The following ICE1 variants were observed in gnomAD, a reference collection of about 807,000 sequenced individuals.
ICE1 encodes the protein interactor of little elongation complex ELL subunit 1, also known as little elongation complex subunit 1.
Under a neutral mutation model 192.7 loss-of-function variants are expected in ICE1, and 64 were observed. The ratio of observed to expected loss-of-function variants is 0.33; its 90% CI spans 0.27 to 0.41. The LOEUF is 0.41. Among genes scored for constraint, ICE1 ranks in the 10% least tolerant of loss-of-function variants. The pLI, the probability that ICE1 is intolerant of heterozygous loss-of-function variation, is 1.00. For synonymous variants in ICE1, 1,010 were observed against 984.5 expected, an observed-to-expected ratio of 1.03 and a Z score of -0.49; for missense variants, 2,708 against 2,696.0, an observed-to-expected ratio of 1.00 and a Z score of -0.10.
chr5:5,464,729 A>T lies in ICE1; in HGVS notation c.5395A>T (p.Ile1799Phe), dbSNP rs1469799184. 2 of 1,613,912 alleles carry T rather than the reference A, an allele frequency of 1.2e-6. No homozygotes were observed. Among genetic ancestry groups the T allele is most frequent in the Non-Finnish European group, 1.7e-6 (2 of 1,179,858 alleles). The part of the protein sequence containing the change: ...PASAMIGFKT[I>F]TSAATAFVKT... ...CAGTGCTATGATAGGATTCAAAACG[A>T]TCACTTCAGCAGCAACTGCTTTTGT... The change falls in exon 13 of 19, where the codon ATC becomes TTC. Residue 1799 changes from isoleucine (I) to phenylalanine (F), a missense_variant. By Grantham distance (21) the Ile-to-Phe change is conservative. Transcript: ENST00000296564. This position sits in a 1 kb window ranked among gnomAD's most constrained non-coding sequence, Gnocchi z 4.0.
At chr5:5,431,364 T>C (rs181527060) in intron 1 of ICE1, among the ~76,000 whole-genome samples, 33 of 152,356 alleles carry the variant, frequency 2.2e-4, no homozygotes, top group African/African-American at 7.5e-4. Flanking sequence ...TCTTTCATTT[T>C]CTTCTCCCTT....
In ICE1 at chr5:5,462,959, G is replaced by T; in HGVS notation, c.3625G>T (p.Glu1209Ter). 6.2e-7 allele frequency: 1 copy of T among 1,612,754 alleles called. No homozygotes were observed. The highest frequency in any genetic ancestry group is 8.5e-7 in the Non-Finnish European group (1 of 1,179,328). The change falls in exon 13 of 19, where the codon GAA becomes TAA. Residue 1209 changes from glutamate to a stop codon, truncating the protein, a stop_gained. Transcript: ENST00000296564. LOFTEE classifies it high-confidence loss of function. ...KGTLSKEMNK[E>*]LKASEIGEKY... ...AACCCTAAGTAAAGAAATGAACAAA[G>T]AATTAAAGGCAAGTGAAATAGGAGA...
At chr5:5,427,241 A>T (rs1450311199) in intron 1 of ICE1, among the ~76,000 whole-genome samples, 1 of 152,212 alleles carries the variant, frequency 6.6e-6, no homozygotes, top group Non-Finnish European at 1.5e-5. Flanking sequence ...CATTGATTAC[A>T]GTAGTTCATT....
At position 5,463,848 on chromosome 5, in the gene ICE1, T is replaced by A. The variant is rs756408163; in HGVS notation, c.4514T>A (p.Phe1505Tyr). The A allele has an allele frequency of 1.9e-6, 3 of 1,613,906 alleles. No individual in the cohort carries two copies. In the Admixed American group the frequency reaches 5.0e-5, roughly 27 times the overall value. Residue 1505 changes from phenylalanine (F) to tyrosine (Y), a missense_variant, in exon 13 of 19, where the codon TTT (phenylalanine) becomes TAT (tyrosine). Transcript: ENST00000296564. The stretch of plus-strand genomic sequence containing the variant: ...TCAAGCAGTGGTCAGAGCACCAACT[T>A]TGATAAGAGTCGTTTGCGAAATAGA... ...DVSSSGQSTN[F>Y]DKSRLRNRPV...
intron 10 of ICE1, among the ~76,000 whole-genome samples, chr5:5,450,627 G>T (rs147188961): frequency 9.7e-4 from 148 of 152,250 alleles, no homozygotes; most frequent in African/African-American, 3.5e-3. Context: ...TGACACCTTC[G>T]TAGGAAATAT....
In ICE1 at chr5:5,460,469, G is replaced by A. The variant is rs572112761; in HGVS notation, c.1135G>A (p.Asp379Asn). 8.1e-6 allele frequency: 13 copies of A among 1,603,560 alleles called. No homozygotes were observed. The highest frequency in any genetic ancestry group is 1.3e-5 in the African/African-American group (1 of 74,470). ...TYFGEYTDSS[D>N]NDSVQLRNSA... ...CTTTGGAGAATACACAGATTCCAGC[G>A]ATAATGACTCAGTCCAGCTTAGAAA... is the stretch of plus-strand genomic sequence containing the variant. Residue 379 changes from aspartate to asparagine, a missense_variant, in exon 13 of 19, where the codon GAT (aspartate) becomes AAT (asparagine). Asp to Asn is a conservative substitution (Grantham distance 23, BLOSUM62 1). Coordinates refer to ENST00000296564, the MANE Select transcript of ICE1 (RefSeq NM_015325.3).
At chr5:5,458,927 C>T (rs906214976) in intron 12 of ICE1, among the ~76,000 whole-genome samples, 6 of 152,040 alleles carry the variant, frequency 3.9e-5, no homozygotes, top group African/African-American at 1.2e-4. Flanking sequence ...GACTGGAGCA[C>T]AGTGGCGCGA....
intron 1 of ICE1, among the ~76,000 whole-genome samples, chr5:5,425,503 G>C (rs969152185): frequency 2.6e-5 from 4 of 152,176 alleles, no homozygotes; most frequent in Non-Finnish European, 5.9e-5. Context: ...TCTAGGTCAG[G>C]ACACTATTGC....
chr5:5,440,028 C>A, intron 4 of ICE1, 115 bp downstream of exon 4: 1 of 570,602 alleles, frequency 1.8e-6, no homozygotes, highest in South Asian at 2.8e-5. Context: ...CATAGGATTA[C>A]TCATAATATA....
chr5:5,449,365 C>G (rs1738345218), intron 10 of ICE1, among the ~76,000 whole-genome samples: 1 of 151,808 alleles, frequency 6.6e-6, no homozygotes, highest in African/African-American at 2.4e-5. Context: ...AAAGTAAGCA[C>G]CAGAGTATTA....
chr5:5,472,461 A>C (rs1253054957), intron 15 of ICE1, among the ~76,000 whole-genome samples: 5 of 152,198 alleles, frequency 3.3e-5, no homozygotes, highest in African/African-American at 4.8e-5. Context: ...TAAAATAGGT[A>C]CTCAAAAAAG....
At chr5:5,438,171 A>C in intron 3 of ICE1, among the ~76,000 whole-genome samples, 1 of 152,206 alleles carries the variant, frequency 6.6e-6, no homozygotes, top group East Asian at 1.9e-4. Flanking sequence ...TGCAGAGCGA[A>C]GCGGGGAAAA....
Position 5,457,349 on chromosome 5 carries a change from A to G in ICE1, c.709A>G (p.Ile237Val). Residue 237 changes from isoleucine (I) to valine (V), a missense_variant, in exon 12 of 19, where the codon ATC (isoleucine) becomes GTC (valine). Physicochemically the swap from Ile to Val is conservative, Grantham distance 29. Coordinates refer to ENST00000296564, the MANE Select transcript of ICE1 (RefSeq NM_015325.3). The stretch of plus-strand genomic sequence containing the variant: ...CCACATAGAAAAACCTGCCAAAGCA[A>G]TCACCAGCTCCAGAGTGCCTGGGGA... Reference protein sequence around the residue: ...RCVPEKPAKAITSSRVPGEDG... With the variant: ...RCVPEKPAKAVTSSRVPGEDG... 4.4e-6 allele frequency: 7 copies of G among 1,603,490 alleles called. No homozygotes were observed. Among genetic ancestry groups the G allele is most frequent in the Non-Finnish European group, 6.0e-6 (7 of 1,174,108 alleles).
At position 5,454,615 on chromosome 5, in the gene ICE1, G is replaced by C; in HGVS notation, c.668G>C (p.Gly223Ala). The change falls in exon 11 of 19, where the codon GGT (glycine) becomes GCT (alanine). Residue 223 changes from glycine to alanine, a missense_variant. Gly to Ala is a moderately conservative substitution (Grantham distance 60, BLOSUM62 0). Coordinates refer to ENST00000296564, the MANE Select transcript of ICE1 (RefSeq NM_015325.3). Reference sequence around the variant, plus strand: ...GTAAACACAACACACAGACTACCTGGTGAAGGCAGCAGGTGTGTCCCAGGT... The same window carrying C: ...GTAAACACAACACACAGACTACCTGCTGAAGGCAGCAGGTGTGTCCCAGGT... ...LCVNTTHRLP[G>A]EGSRCVPEKP... is the part of the protein sequence containing the mutation. 1 of 1,613,416 alleles carries C rather than the reference G, an allele frequency of 6.2e-7. No homozygotes were observed. The highest frequency in any genetic ancestry group is 8.5e-7 in the Non-Finnish European group (1 of 1,179,518).
At chr5:5,427,588 C>T (rs571549506) in intron 1 of ICE1, among the ~76,000 whole-genome samples, 12 of 152,266 alleles carry the variant, frequency 7.9e-5, no homozygotes, top group Non-Finnish European at 1.6e-4. Context: ...CAGATTTGAG[C>T]CTGTCCATAA....
Position 5,443,230 on chromosome 5 carries a change from G to C in ICE1, c.372G>C (p.Leu124Phe). 1 of 1,495,624 alleles carries C rather than the reference G, an allele frequency of 6.7e-7. No homozygotes were observed. Among genetic ancestry groups the C allele is most frequent in the South Asian group, 1.3e-5 (1 of 78,052 alleles). The allele number at this position is 1,495,624 out of a possible 1,614,324, so 92.6% of individuals were successfully genotyped here. The part of the protein sequence containing the change: ...QEYARVKEEC[L>F]KSDAQKKKLE... Reference sequence around the variant, plus strand: ...ATGCTCGTGTAAAGGAAGAATGCTTGAAGAGTGATGCTCAGTAAGTAGTTA... The same window carrying C: ...ATGCTCGTGTAAAGGAAGAATGCTTCAAGAGTGATGCTCAGTAAGTAGTTA... The change falls in exon 6 of 19, where the codon TTG (leucine) becomes TTC (phenylalanine). Residue 124 changes from leucine (L) to phenylalanine (F), a missense_variant. By Grantham distance (22) the Leu-to-Phe change is conservative. Around this residue, in one of 2 missense-constraint regions of ICE1, gnomAD observed 2,366 missense variants for 2,276.6 expected, o/e 1.04. Transcript: ENST00000296564.
In ICE1 at chr5:5,440,963, ATGT is replaced by A. The variant is rs1410471629; in HGVS notation, c.198-146_198-144del. ...AAGAAATAAAGGCAATGTGAAGATC[ATGT>A]TGGTGTAGAGAGAAGTGCATTTAAA... On this transcript the variant is annotated intron_variant, in intron 4 of 18. Transcript: ENST00000296564. The A allele has an allele frequency of 4.6e-5, 25 of 545,020 alleles. 1 individual carries two copies. In the South Asian group the frequency reaches 5.6e-4, roughly 12 times the overall value. The allele number at this position is 545,020 out of a possible 1,614,324, so 33.8% of individuals were successfully genotyped here.
chr5:5,425,300 C>T (rs1277566978), intron 1 of ICE1, among the ~76,000 whole-genome samples: 1 of 152,124 alleles, frequency 6.6e-6, no homozygotes, highest in African/African-American at 2.4e-5. Flanking sequence ...ATCCTAGATC[C>T]AGAGGTCTGC....
chr5:5,469,586 T>A (rs1266308245), intron 15 of ICE1, among the ~76,000 whole-genome samples: 1 of 152,196 alleles, frequency 6.6e-6, no homozygotes, highest in Non-Finnish European at 1.5e-5. Context: ...CCAGTGATAT[T>A]GATTTTTTAA....
Sources: gnomAD v4.1 joint callset for allele counts (sites outside exome capture counted in the v4.1 genomes callset) on GRCh38, gnomAD v4.1.1 for gene constraint, gnomAD v4.1.1 regional missense constraint, Gnocchi (gnomAD v3.1) non-coding constraint, MANE v1.5 for transcripts, NCBI Gene and HGNC (gene_info 2026-07-23, HGNC 2026-07-21) for gene names.